DTNB: variants seen among roughly 807,000 people sequenced by gnomAD.
The protein encoded by DTNB is DTN-B.
Under a neutral mutation model 90.7 loss-of-function variants are expected in DTNB, and 63 were observed. The observed-to-expected ratio is 0.69, with a 90% CI of 0.57 to 0.86. The LOEUF is 0.86. DTNB is among the 40% of genes least tolerant of loss of function. DTNB has a pLI of 0.00. For missense variants in DTNB, 744 were observed against 807.1 expected (o/e 0.92, Z 0.95); for synonymous variants, 277 against 286.7 (o/e 0.97, Z 0.34).
At chr2:25,533,554 T>C (rs896433351) in intron 8 of DTNB, among the ~76,000 whole-genome samples, 1 of 152,220 alleles carries the variant, frequency 6.6e-6, no homozygotes, top group African/African-American at 2.4e-5. Flanking sequence ...CAAAGGCTGA[T>C]AGTCACTTAC....
chr2:25,543,375 G>C lies in DTNB; in HGVS notation c.877-11778C>G, dbSNP rs57767932. ...GGCTGGAGTGCAGTGGCACGATCTCGACTCACTGCAACCTCTGCCTCCCGG... is the reference window on the plus strand; with the variant it reads ...GGCTGGAGTGCAGTGGCACGATCTCCACTCACTGCAACCTCTGCCTCCCGG... On this transcript the variant is annotated intron_variant, in intron 8 of 20. Coordinates refer to ENST00000406818, the MANE Select transcript of DTNB (RefSeq NM_021907.5). 2.0e-3 allele frequency among the ~76,000 whole-genome samples: 296 copies of C among 151,592 alleles called. 1 individual carries two copies. Among genetic ancestry groups the C allele is most frequent in the African/African-American group, 6.7e-3 (276 of 41,324 alleles).
At chr2:25,516,521 G>A (rs2075153692) in intron 9 of DTNB, among the ~76,000 whole-genome samples, 1 of 151,906 alleles carries the variant, frequency 6.6e-6, no homozygotes, top group Non-Finnish European at 1.5e-5. Flanking sequence ...CCAAAGTGCT[G>A]GGATTACAGG....
At chr2:25,625,362 T>C (rs2148682836) in intron 4 of DTNB, among the ~76,000 whole-genome samples, 1 of 152,304 alleles carries the variant, frequency 6.6e-6, no homozygotes, top group Non-Finnish European at 1.5e-5. Context: ...TCTTTCTTTT[T>C]TTCCAACACA....
At chr2:25,649,328 C>A (rs1287422218) in intron 2 of DTNB, among the ~76,000 whole-genome samples, 1 of 152,128 alleles carries the variant, frequency 6.6e-6, no homozygotes, top group Non-Finnish European at 1.5e-5. Context: ...TTCAATATAA[C>A]CTCTGCGGCC....
At chr2:25,669,560 T>C (rs2085327944) in intron 1 of DTNB, among the ~76,000 whole-genome samples, 1 of 152,144 alleles carries the variant, frequency 6.6e-6, no homozygotes, top group Non-Finnish European at 1.5e-5. Flanking sequence ...ACCAAATACA[T>C]TGTTAACAAA....
At position 25,506,353 on chromosome 2, in the gene DTNB, G is replaced by A. The variant is rs143684513; in HGVS notation, c.1002-23480C>T. ...CAAGGTGACGGATACCCTAAATACC[G>A]AGTTGTTTTTTTTTTAACTTTTAAG... On this transcript the variant is annotated intron_variant, in intron 9 of 20. Coordinates refer to ENST00000406818, the MANE Select transcript of DTNB (RefSeq NM_021907.5). Among the ~76,000 whole-genome samples the A allele has an allele frequency of 6.2e-3, 942 of 152,172 alleles. 11 individuals are homozygous for A. Among genetic ancestry groups the A allele is most frequent in the Middle Eastern group, 0.02 (6 of 294 alleles).
chr2:25,427,797 T>A, intron 14 of DTNB, 166 bp from the exon 15 acceptor site: 1 of 617,694 alleles, frequency 1.6e-6, no homozygotes, highest in Non-Finnish European at 2.8e-6. Flanking sequence ...CTGTTTTGCC[T>A]ACTTCCTGGA....
In DTNB at chr2:25,390,982, C is replaced by T. The variant is rs543907747; in HGVS notation, c.1576-2621G>A. On this transcript the variant is annotated intron_variant, in intron 16 of 20. Transcript: ENST00000406818. Reference sequence around the variant, plus strand: ...TGCAATCTCGGCTCACCACAAGCTCCGCCTCCCGGGTTCACACCATTCTCC... The same window carrying T: ...TGCAATCTCGGCTCACCACAAGCTCTGCCTCCCGGGTTCACACCATTCTCC... 5.3e-5 allele frequency among the ~76,000 whole-genome samples: 8 copies of T among 151,300 alleles called. No homozygotes were observed. The South Asian group carries it at 6.3e-4, about 12-fold the overall frequency.
chr2:25,494,654 T>C (rs1366199351), intron 9 of DTNB, among the ~76,000 whole-genome samples: 1 of 152,196 alleles, frequency 6.6e-6, no homozygotes, highest in East Asian at 1.9e-4. Flanking sequence ...GAGTCAGGCT[T>C]TACACATGGC....
intron 16 of DTNB, among the ~76,000 whole-genome samples, chr2:25,413,094 CA>C: frequency 6.6e-6 from 1 of 152,214 alleles, no homozygotes; most frequent in African/African-American, 2.4e-5. Context: ...CTTTAAAAGA[CA>C]AGGTGATTTT....
chr2:25,583,138 T>G (rs546751444), intron 6 of DTNB, among the ~76,000 whole-genome samples: 4 of 151,354 alleles, frequency 2.6e-5, no homozygotes, highest in Admixed American at 2.6e-4. Context: ...TCCCAGCTAC[T>G]TGGGAGGCTG....
chr2:25,645,637 C>A lies in DTNB; in HGVS notation c.68-6543G>T, dbSNP rs556061396. Among the ~76,000 whole-genome samples the A allele has an allele frequency of 3.3e-5, 5 of 152,032 alleles. No homozygotes were observed. In the South Asian group the frequency reaches 1.0e-3, roughly 32 times the overall value. On this transcript the variant is annotated intron_variant, in intron 2 of 20. Transcript: ENST00000406818. ...TTGTATTTTTCTAGAGACAAGGTTT[C>A]ACCATGTTGCCCAGGCTGGTCTCAA...
At chr2:25,416,397 C>T (rs1443511647) in intron 16 of DTNB, among the ~76,000 whole-genome samples, 1 of 152,156 alleles carries the variant, frequency 6.6e-6, no homozygotes, top group Non-Finnish European at 1.5e-5. Context: ...TTTGGCCGGG[C>T]GTGATGGCTC....
intron 10 of DTNB, among the ~76,000 whole-genome samples, chr2:25,470,889 A>G (rs528160759): frequency 6.6e-6 from 1 of 151,980 alleles, no homozygotes; most frequent in African/African-American, 2.4e-5. Flanking sequence ...CTCCTCTGTC[A>G]CTAAAAAAAA....
At chr2:25,396,631 G>A (rs1405427501) in intron 16 of DTNB, among the ~76,000 whole-genome samples, 1 of 150,410 alleles carries the variant, frequency 6.6e-6, no homozygotes, top group African/African-American at 2.5e-5. Context: ...GGTGACGGGG[G>A]CACCAAAACC....
intron 9 of DTNB, among the ~76,000 whole-genome samples, chr2:25,529,781 A>C (rs577547830): frequency 1.3e-5 from 2 of 152,324 alleles, no homozygotes; most frequent in Non-Finnish European, 2.9e-5. Context: ...TGTGTAATGA[A>C]GGATACTAAC....
intron 10 of DTNB, among the ~76,000 whole-genome samples, chr2:25,463,901 C>A (rs1481845838): frequency 1.3e-5 from 2 of 152,170 alleles, no homozygotes; most frequent in Non-Finnish European, 2.9e-5. Flanking sequence ...ATACTGATTT[C>A]TTTTATTTTT....
intron 11 of DTNB, among the ~76,000 whole-genome samples, chr2:25,452,660 G>A (rs769379890): frequency 8.6e-5 from 13 of 151,644 alleles, no homozygotes; most frequent in Non-Finnish European, 1.5e-4. Flanking sequence ...TTACTGAGGG[G>A]AATCTGGGAA....
In DTNB at chr2:25,383,891, T is replaced by C; in HGVS notation, c.1826-2A>G. ...CTTCTTCCTCTGCACCTTCCTCTGCTGTGAAAACAAGTCCAAGGAGGCCAG... is the reference window on the plus strand; with the variant it reads ...CTTCTTCCTCTGCACCTTCCTCTGCCGTGAAAACAAGTCCAAGGAGGCCAG... On this transcript the variant is annotated splice_acceptor_variant, in intron 18 of 20. Coordinates refer to ENST00000406818, the MANE Select transcript of DTNB (RefSeq NM_021907.5). LOFTEE classifies it high-confidence loss of function. The C allele has an allele frequency of 6.2e-7, 1 of 1,614,056 alleles. No individual in the cohort carries two copies. Among genetic ancestry groups the C allele is most frequent in the East Asian group, 2.2e-5 (1 of 44,888 alleles).
Sources: allele counts gnomAD v4.1 joint callset (sites outside exome capture counted in the v4.1 genomes callset), GRCh38; gene constraint gnomAD v4.1.1; transcripts MANE v1.5; gene names NCBI Gene and HGNC (gene_info 2026-07-23, HGNC 2026-07-21).